The following OPHN1 variants were observed in gnomAD, a reference collection of about 807,000 sequenced individuals.
The protein encoded by OPHN1 is oligophrenin-1.
In OPHN1, 11 loss-of-function variants were observed where a neutral mutation model predicts 60.7. The observed-to-expected ratio is 0.18, with a 90% CI of 0.11 to 0.30. OPHN1 has a LOEUF of 0.30. Ranked by LOEUF, OPHN1 falls within the 10% of genes least tolerant of loss-of-function variation. The pLI, the probability that OPHN1 is intolerant of heterozygous loss-of-function variation, is 1.00. For synonymous variants in OPHN1, 226 were observed against 222.6 expected, an observed-to-expected ratio of 1.02 and a Z score of -0.14; for missense variants, 449 against 611.0, an observed-to-expected ratio of 0.73 and a Z score of 2.80.
At chrX:68,357,362 A>G (rs1048975688) in intron 2 of OPHN1, among the ~76,000 whole-genome samples, 7 of 111,322 alleles carry the variant, frequency 6.3e-5, no homozygotes, top group African/African-American at 2.3e-4. Flanking sequence ...TTAACTTGTC[A>G]TTTAGCATTA....
chrX:68,290,071 A>G (rs188991484), intron 3 of OPHN1, among the ~76,000 whole-genome samples: 1,391 of 111,525 alleles, frequency 0.012, 19 homozygotes, highest in African/African-American at 0.043. Context: ...TCTAGCTCTC[A>G]GGCTTAACTA....
rs1268483845 is a variant in OPHN1, at chrX:68,083,108, C to A, written c.1687-9809G>T. On this transcript the variant is annotated intron_variant, in intron 19 of 24. Coordinates refer to ENST00000355520, the MANE Select transcript of OPHN1 (RefSeq NM_002547.3). ...TGAGACGGAGTCTCGCTCTGTCGCCCAGGCCGGACTGCGGACTGCAGTGGC... is the reference window on the plus strand; with the variant it reads ...TGAGACGGAGTCTCGCTCTGTCGCCAAGGCCGGACTGCGGACTGCAGTGGC... Among the ~76,000 whole-genome samples, 7 of 77,312 alleles carry A rather than the reference C, an allele frequency of 9.1e-5. No homozygotes were observed. In the Admixed American group the frequency reaches 1.3e-3, roughly 14 times the overall value. 67.1% of individuals were successfully genotyped at this position (77,312 alleles called of 115,157 possible). A position where few individuals can be genotyped will look rare whatever the true frequency, so the allele number is the denominator to read the frequency against.
intron 5 of OPHN1, among the ~76,000 whole-genome samples, chrX:68,267,477 C>T (rs1390608653): frequency 8.9e-6 from 1 of 111,751 alleles, no homozygotes; most frequent in Non-Finnish European, 1.9e-5. Context: ...TCTTTGAAAC[C>T]AATGAGAACA....
In OPHN1 at chrX:68,119,373, A is replaced by C. The variant is rs758608215; in HGVS notation, c.1277-41T>G. 8 of 987,299 alleles carry C rather than the reference A, an allele frequency of 8.1e-6. No individual in the cohort carries two copies. In the South Asian group the frequency reaches 1.5e-4, roughly 19 times the overall value. 81.4% of individuals were successfully genotyped at this position (987,299 alleles called of 1,213,427 possible). A position where few individuals can be genotyped will look rare whatever the true frequency, so the allele number is the denominator to read the frequency against. On this transcript the variant is annotated intron_variant, in intron 15 of 24. Coordinates refer to ENST00000355520, the MANE Select transcript of OPHN1 (RefSeq NM_002547.3). The stretch of plus-strand genomic sequence containing the variant: ...AAACAAAAAACAAAAGTTAATCATC[A>C]AAAAAATCTTACATTTTCCCTCTTT...
intron 24 of OPHN1, among the ~76,000 whole-genome samples, chrX:68,048,181 A>G (rs1304579478): frequency 8.9e-6 from 1 of 112,052 alleles, no homozygotes; most frequent in Non-Finnish European, 1.9e-5. Context: ...AGCGTGCCAT[A>G]GTTTGGCTAG....
chrX:68,336,653 CGTGTGTGTGTGTGTGTGAGAGTGTGTGT>C (rs2078324066), intron 2 of OPHN1, among the ~76,000 whole-genome samples: 2 of 91,859 alleles, frequency 2.2e-5, no homozygotes, highest in Admixed American at 1.1e-4. Flanking sequence ...TATGTGTGTA[CGTGTGTGTGTGTGTGTGAGAGTGTGTGT>C]GTGTGTGTGT....
intron 15 of OPHN1, among the ~76,000 whole-genome samples, chrX:68,137,505 G>T (rs2077225704): frequency 9.0e-6 from 1 of 111,590 alleles, no homozygotes; most frequent in African/African-American, 3.3e-5. Context: ...AGTTGCTTGG[G>T]CTCTGACTAA....
chrX:68,093,865 T>G (rs2077027987), intron 19 of OPHN1, among the ~76,000 whole-genome samples: 1 of 111,111 alleles, frequency 9.0e-6, no homozygotes, highest in African/African-American at 3.3e-5. Context: ...CGGTAGCTTT[T>G]TTTTCCATCT....
intron 2 of OPHN1, among the ~76,000 whole-genome samples, chrX:68,350,581 A>G (rs1323968040): frequency 3.0e-5 from 3 of 101,096 alleles, no homozygotes; most frequent in Non-Finnish European, 5.9e-5. Flanking sequence ...CACCTAGGCT[A>G]GAGTGCTCAC....
chrX:68,355,431 ATCTC>A (rs1292034522), intron 2 of OPHN1, among the ~76,000 whole-genome samples: 5 of 111,948 alleles, frequency 4.5e-5, no homozygotes, highest in Non-Finnish European at 7.5e-5. Context: ...CATGTAGTTA[ATCTC>A]TCTCTCTCCA....
chrX:68,301,544 T>C (rs763242479), intron 2 of OPHN1, among the ~76,000 whole-genome samples: 8 of 110,315 alleles, frequency 7.3e-5, no homozygotes, highest in African/African-American at 2.6e-4. Flanking sequence ...CTGAGAAAAG[T>C]CCTGGAAAAG....
intron 2 of OPHN1, among the ~76,000 whole-genome samples, chrX:68,412,505 A>T (rs766347329): frequency 9.0e-6 from 1 of 111,291 alleles, no homozygotes; most frequent in African/African-American, 3.3e-5. Context: ...GGGGAGTTAA[A>T]GTTTAACGTG....
intron 2 of OPHN1, among the ~76,000 whole-genome samples, chrX:68,313,952 T>G (rs2078185896): frequency 9.0e-6 from 1 of 111,397 alleles, no homozygotes; most frequent in Non-Finnish European, 1.9e-5. Flanking sequence ...AAATATCTCA[T>G]GTACCCCATA....
chrX:68,337,073 T>C (rs748934431), intron 2 of OPHN1, among the ~76,000 whole-genome samples: 1 of 109,442 alleles, frequency 9.1e-6, no homozygotes, highest in South Asian at 4.0e-4. Context: ...AAAAAAGAAG[T>C]AAGAAAATGA....
intron 6 of OPHN1, among the ~76,000 whole-genome samples, chrX:68,227,477 C>T (rs965947260): frequency 9.0e-6 from 1 of 111,248 alleles, no homozygotes; most frequent in Non-Finnish European, 1.9e-5. Flanking sequence ...CCACATCGCA[C>T]TTATTAAAAA....
At chrX:68,221,509 C>T (rs1449970555) in intron 6 of OPHN1, among the ~76,000 whole-genome samples, 11 of 88,010 alleles carry the variant, frequency 1.2e-4, no homozygotes, top group East Asian at 4.0e-4. Flanking sequence ...GGAGGCATCA[C>T]GCTACCTGAC....
chrX:68,332,778 C>T (rs1354848565), intron 2 of OPHN1, among the ~76,000 whole-genome samples: 1 of 107,669 alleles, frequency 9.3e-6, no homozygotes, highest in African/African-American at 3.5e-5. Flanking sequence ...TTTCTATTAC[C>T]TCTAAATGAT....
At chrX:68,231,021 A>G (rs12837020) in intron 6 of OPHN1, among the ~76,000 whole-genome samples, 66,211 of 110,485 alleles carry the variant, frequency 0.6, 17,266 homozygotes, top group East Asian at 0.87. Context: ...TTTTAGCCAC[A>G]TTAAATAAGT....
chrX:68,181,676 A>C (rs1388915501), intron 15 of OPHN1, among the ~76,000 whole-genome samples: 2 of 110,880 alleles, frequency 1.8e-5, no homozygotes, highest in Non-Finnish European at 3.8e-5. Flanking sequence ...AATTTAAAAA[A>C]AATTAGCCGG....
Sources: gnomAD v4.1 joint callset for allele counts (sites outside exome capture counted in the v4.1 genomes callset) on GRCh38, gnomAD v4.1.1 for gene constraint, MANE v1.5 for transcripts, NCBI Gene and HGNC (gene_info 2026-07-23, HGNC 2026-07-21) for gene names.